Variants in USP45 observed in about 807,000 individuals in gnomAD.
USP45 encodes ubiquitin carboxyl-terminal hydrolase 45.
A neutral mutation model predicts 95.8 loss-of-function variants in USP45; 89 were observed. The ratio of observed to expected loss-of-function variants is 0.93; its 90% confidence interval spans 0.78 to 1.11. The LOEUF is 1.11. Among genes scored for constraint, USP45 ranks in the 50% least tolerant of loss-of-function variants. The probability of loss-of-function intolerance (pLI) is 0.00; values close to 1 mark genes in which losing one functional copy is unlikely to be tolerated. For synonymous variants in USP45, 281 were observed against 316.2 expected (o/e 0.89, Z 1.18); for missense variants, 898 against 942.5 (o/e 0.95, Z 0.62).
rs181024899 is a variant in USP45, at chr6:99,472,281, G to A, written c.934-3663C>T. Among the ~76,000 whole-genome samples, 9 of 148,718 alleles carry A rather than the reference G, an allele frequency of 6.1e-5. No individual in the cohort carries two copies. The East Asian group carries it at 1.6e-3, about 26-fold the overall frequency. ...CACCCAGTCTAGAGTGCAGTGCCGC[G>A]ATCACAGCTCACTGCAACCTCCACC... is the stretch of plus-strand genomic sequence containing the variant. On this transcript the variant is annotated intron_variant, in intron 9 of 17. Transcript: ENST00000500704.
chr6:99,466,576 A>T (rs1788025346), intron 11 of USP45, 96 bp downstream of exon 11: 1 of 1,027,686 alleles, frequency 9.7e-7, no homozygotes, highest in Non-Finnish European at 1.5e-6. Context: ...GTCAAATTTT[A>T]AAAATGACTG....
chr6:99,509,949 C>T (rs1799414596), intron 2 of USP45, among the ~76,000 whole-genome samples, 172 bp downstream of exon 2: 1 of 152,266 alleles, frequency 6.6e-6, no homozygotes, highest in Non-Finnish European at 1.5e-5. Context: ...AGTCAGCCTG[C>T]CAAGTATGCA....
intron 5 of USP45, among the ~76,000 whole-genome samples, chr6:99,494,290 G>A (rs546370598): frequency 2.9e-4 from 44 of 152,288 alleles, no homozygotes; most frequent in African/African-American, 1.0e-3. Context: ...GACCTGGAAT[G>A]CAAAGAACAT....
chr6:99,444,672 C>G (rs545531403), intron 14 of USP45, among the ~76,000 whole-genome samples: 1 of 152,260 alleles, frequency 6.6e-6, no homozygotes, highest in African/African-American at 2.4e-5. Flanking sequence ...ATCCCAGAGC[C>G]CACTAATATT....
chr6:99,484,829 T>G (rs972099966), intron 7 of USP45, among the ~76,000 whole-genome samples: 1 of 139,526 alleles, frequency 7.2e-6, no homozygotes, highest in African/African-American at 2.7e-5. Flanking sequence ...TGCTGTAAAC[T>G]TAAAACTGCT....
chr6:99,509,968 G>A (rs909132475), intron 2 of USP45, among the ~76,000 whole-genome samples, 153 bp downstream of exon 2: 2 of 152,094 alleles, frequency 1.3e-5, no homozygotes, highest in African/African-American at 2.4e-5. Flanking sequence ...CAGTTTTCAC[G>A]CATCCCAAGA....
At chr6:99,465,267 A>T (rs751631225) in intron 11 of USP45, 131 bp from the exon 12 acceptor site, 2 of 617,948 alleles carry the variant, frequency 3.2e-6, no homozygotes, top group Non-Finnish European at 5.3e-6. Context: ...TGAAAAAAAT[A>T]GCAATTTAAT....
intron 9 of USP45, among the ~76,000 whole-genome samples, chr6:99,470,584 A>G (rs7749062): frequency 0.029 from 4,394 of 152,296 alleles, 156 homozygotes; most frequent in African/African-American, 0.091. Context: ...ATACACTTAT[A>G]TACTATAAAG....
intron 4 of USP45, among the ~76,000 whole-genome samples, chr6:99,507,072 C>T (rs1349668446): frequency 6.6e-6 from 1 of 152,028 alleles, no homozygotes; most frequent in Non-Finnish European, 1.5e-5. Context: ...GCAGGCATGG[C>T]GGCATGCGCC....
At chr6:99,499,438 C>A (rs900770857) in intron 5 of USP45, among the ~76,000 whole-genome samples, 1 of 152,074 alleles carries the variant, frequency 6.6e-6, no homozygotes, top group African/African-American at 2.4e-5. Flanking sequence ...TAAAAATATA[C>A]GGAAGCCGCA....
At chr6:99,455,166 G>T (rs558559039) in intron 13 of USP45, among the ~76,000 whole-genome samples, 1 of 152,060 alleles carries the variant, frequency 6.6e-6, no homozygotes, top group Non-Finnish European at 1.5e-5. Flanking sequence ...ATAGGGCTGG[G>T]TGCGATGGCT....
chr6:99,477,910 C>G (rs997672548), intron 8 of USP45, among the ~76,000 whole-genome samples: 1 of 152,306 alleles, frequency 6.6e-6, no homozygotes, highest in South Asian at 2.1e-4. Context: ...TGGACCTCCA[C>G]AGCTGGCATC....
chr6:99,461,399 T>C, intron 13 of USP45: 13 of 985,418 alleles, frequency 1.3e-5, no homozygotes, highest in Non-Finnish European at 1.6e-5. Flanking sequence ...AAGAAGGATG[T>C]TTATATAGGC....
chr6:99,488,328 C>A, intron 6 of USP45, 33 bp from the exon 7 acceptor site: 1 of 1,404,270 alleles, frequency 7.1e-7, no homozygotes, highest in South Asian at 1.3e-5. Context: ...TCTTCAGATT[C>A]AGTTAAAATA....
intron 13 of USP45, among the ~76,000 whole-genome samples, chr6:99,458,247 C>T (rs141487560): frequency 4.6e-5 from 7 of 152,224 alleles, no homozygotes; most frequent in Admixed American, 6.5e-5. Flanking sequence ...TCTCCATCTC[C>T]GGACCTTGGG....
At chr6:99,443,711 A>G in intron 14 of USP45, 49 bp from the exon 15 acceptor site, 2 of 1,179,044 alleles carry the variant, frequency 1.7e-6, no homozygotes, top group Non-Finnish European at 2.3e-6. Context: ...TTTATACATT[A>G]TCTACCATAT....
chr6:99,475,483 T>G (rs577681293), intron 9 of USP45, among the ~76,000 whole-genome samples: 2 of 151,880 alleles, frequency 1.3e-5, no homozygotes, highest in Non-Finnish European at 2.9e-5. Context: ...ACCTGGCTAA[T>G]TTTTGTATTT....
intron 1 of USP45, among the ~76,000 whole-genome samples, chr6:99,510,578 T>C (rs1799557453): frequency 6.6e-6 from 1 of 152,170 alleles, no homozygotes; most frequent in Admixed American, 6.5e-5. Context: ...TGAATGAGAC[T>C]GGCCTCTTAT....
chr6:99,452,642 A>G (rs1436438346), intron 13 of USP45, among the ~76,000 whole-genome samples: 1 of 152,262 alleles, frequency 6.6e-6, no homozygotes, highest in Non-Finnish European at 1.5e-5. Context: ...ATCTAGAACT[A>G]GAAATGCCAT....
Sources: gnomAD v4.1 joint callset for allele counts (sites outside exome capture counted in the v4.1 genomes callset) on GRCh38, gnomAD v4.1.1 for gene constraint, MANE v1.5 for transcripts, NCBI Gene and HGNC (gene_info 2026-07-23, HGNC 2026-07-21) for gene names.